ADAMTS19: variants seen among roughly 807,000 people sequenced by gnomAD.
ADAMTS19 encodes ADAM metallopeptidase with thrombospondin type 1 motif 19, also known as A disintegrin and metalloproteinase with thrombospondin motifs 19.
Under a neutral mutation model 153.3 loss-of-function variants are expected in ADAMTS19, and 93 were observed. The ratio of observed to expected loss-of-function variants is 0.61; its 90% CI spans 0.51 to 0.72. ADAMTS19 has a LOEUF of 0.72. Among genes scored for constraint, ADAMTS19 ranks in the 30% least tolerant of loss-of-function variants. The pLI, the probability that ADAMTS19 is intolerant of heterozygous loss-of-function variation, is 0.00. For missense variants in ADAMTS19, 1,482 were observed against 1,552.1 expected (o/e 0.95, Z 0.76); for synonymous variants, 600 against 556.6 (o/e 1.08, Z -1.10).
chr5:129,713,194 G>T (rs552530552), intron 21 of ADAMTS19, among the ~76,000 whole-genome samples: 1 of 152,280 alleles, frequency 6.6e-6, no homozygotes, highest in Admixed American at 6.5e-5. Context: ...ACCTCAAAAG[G>T]ATTCTATGTT....
chr5:129,526,406 T>C lies in ADAMTS19; in HGVS notation c.1036T>C (p.Tyr346His). Reference sequence around the variant, plus strand: ...GGTTGCAGACCCAGCAATGGTTTCCTATCATGGAGCAGATGCAGCCAGGAG... The same window carrying C: ...GGTTGCAGACCCAGCAATGGTTTCCCATCATGGAGCAGATGCAGCCAGGAG... Reference protein sequence around the residue: ...VVVADPAMVSYHGADAARRFI... With the variant: ...VVVADPAMVSHHGADAARRFI... The change falls in exon 4 of 23, where the codon TAT becomes CAT. Residue 346 changes from tyrosine (Y) to histidine (H), a missense_variant. By Grantham distance (83) the Tyr-to-His change is moderately conservative (BLOSUM62 2). Around this residue, in one of 2 missense-constraint regions of ADAMTS19, gnomAD observed 866 missense variants for 827.7 expected, o/e 1.05. Coordinates refer to ENST00000274487, the MANE Select transcript of ADAMTS19 (RefSeq NM_133638.6). 6.2e-7 allele frequency: 1 copy of C among 1,604,214 alleles called. No homozygotes were observed. The highest frequency in any genetic ancestry group is 8.5e-7 in the Non-Finnish European group (1 of 1,175,924).
rs144583847 is a variant in ADAMTS19 at position 129,719,160 on chromosome 5, T to TA, written c.3312+14770dup. Among the ~76,000 whole-genome samples, 7 of 152,272 alleles carry TA rather than the reference T, an allele frequency of 4.6e-5. No individual in the cohort carries two copies. The East Asian group carries it at 1.4e-3, about 29-fold the overall frequency. On this transcript the variant is annotated intron_variant, in intron 21 of 22. Coordinates refer to ENST00000274487, the MANE Select transcript of ADAMTS19 (RefSeq NM_133638.6). ...CTAACAAAAATTTAAATAAACACCT[T>TA]AGAGTGATATTTTTACTGTTGTGTT... is the stretch of plus-strand genomic sequence containing the variant.
intron 7 of ADAMTS19, among the ~76,000 whole-genome samples, chr5:129,591,435 G>A (rs1750128710): frequency 6.6e-6 from 1 of 151,936 alleles, no homozygotes; most frequent in Non-Finnish European, 1.5e-5. Flanking sequence ...TGGAACTACA[G>A]GCATGCACCA....
chr5:129,630,575 T>C (rs1277120118), intron 10 of ADAMTS19, among the ~76,000 whole-genome samples: 1 of 152,074 alleles, frequency 6.6e-6, no homozygotes, highest in African/African-American at 2.4e-5. Flanking sequence ...AATTACATCA[T>C]ATCATAAGAT....
intron 2 of ADAMTS19, among the ~76,000 whole-genome samples, chr5:129,502,191 T>C (rs1238592746): frequency 6.6e-6 from 1 of 151,936 alleles, no homozygotes; most frequent in Non-Finnish European, 1.5e-5. Flanking sequence ...GCAGTGGAAA[T>C]TCAAGGAGGA....
chr5:129,577,154 G>A (rs1749170341), intron 7 of ADAMTS19, among the ~76,000 whole-genome samples: 1 of 152,114 alleles, frequency 6.6e-6, no homozygotes, highest in African/African-American at 2.4e-5. Context: ...AGCCTTTAGA[G>A]GACTAGAAAG....
intron 8 of ADAMTS19, among the ~76,000 whole-genome samples, chr5:129,614,443 T>G (rs913235346): frequency 6.6e-6 from 1 of 152,140 alleles, no homozygotes; most frequent in African/African-American, 2.4e-5. Context: ...ACCACATGAT[T>G]ATCTCAATAG....
chr5:129,526,256 C>A (rs777620323), intron 3 of ADAMTS19, 28 bp from the exon 4 acceptor site: 10 of 1,524,626 alleles, frequency 6.6e-6, no homozygotes, highest in Non-Finnish European at 8.8e-6. Flanking sequence ...TATGAAGGTG[C>A]ATTGAAAAAT....
At chr5:129,635,277 G>C (rs1007618890) in intron 10 of ADAMTS19, among the ~76,000 whole-genome samples, 2 of 152,202 alleles carry the variant, frequency 1.3e-5, no homozygotes, top group African/African-American at 4.8e-5. Context: ...ATGAGATGTG[G>C]AGAAAAGGGA....
At chr5:129,635,789 T>C (rs1201502128) in intron 10 of ADAMTS19, among the ~76,000 whole-genome samples, 4 of 152,160 alleles carry the variant, frequency 2.6e-5, no homozygotes, top group African/African-American at 9.7e-5. Context: ...TAATGGGTTC[T>C]AGGCTTACTA....
chr5:129,668,152 C>T (rs999606019), intron 16 of ADAMTS19, among the ~76,000 whole-genome samples: 5 of 152,098 alleles, frequency 3.3e-5, no homozygotes, highest in Admixed American at 2.0e-4. Context: ...CTTGTCACTC[C>T]ATTGTCTACC....
intron 21 of ADAMTS19, among the ~76,000 whole-genome samples, chr5:129,710,705 T>A (rs1163772428): frequency 1.3e-5 from 2 of 152,224 alleles, no homozygotes; most frequent in African/African-American, 4.8e-5. Flanking sequence ...TATGTCAGAC[T>A]TATCACAGTT....
intron 2 of ADAMTS19, among the ~76,000 whole-genome samples, chr5:129,480,749 CAAT>C (rs1291632160): frequency 6.6e-6 from 1 of 152,038 alleles, no homozygotes; most frequent in Non-Finnish European, 1.5e-5. Flanking sequence ...GGAAAATAAA[CAAT>C]AATGTGTTAT....
intron 21 of ADAMTS19, among the ~76,000 whole-genome samples, chr5:129,706,780 G>C (rs1304171427): frequency 6.6e-6 from 1 of 152,088 alleles, no homozygotes; most frequent in Non-Finnish European, 1.5e-5. Flanking sequence ...TTAATGAAAC[G>C]TGCCTACTGT....
At chr5:129,626,375 A>G (rs766835138) in intron 10 of ADAMTS19, among the ~76,000 whole-genome samples, 5 of 152,112 alleles carry the variant, frequency 3.3e-5, no homozygotes, top group Non-Finnish European at 4.4e-5. Flanking sequence ...TATTTGCTCT[A>G]TTTATATGAT....
intron 21 of ADAMTS19, among the ~76,000 whole-genome samples, chr5:129,728,898 C>T (rs978410506): frequency 2.0e-5 from 3 of 151,990 alleles, no homozygotes; most frequent in African/African-American, 7.2e-5. Context: ...TTCAAGCAAA[C>T]TGTAATTTTA....
intron 2 of ADAMTS19, among the ~76,000 whole-genome samples, chr5:129,480,777 GTAC>G (rs1287470161): frequency 6.6e-6 from 1 of 152,076 alleles, no homozygotes. Context: ...CTACAGTAGA[GTAC>G]TACTCAGCAA....
intron 2 of ADAMTS19, among the ~76,000 whole-genome samples, chr5:129,495,166 C>T (rs1410210141): frequency 6.6e-6 from 1 of 151,790 alleles, no homozygotes; most frequent in African/African-American, 2.4e-5. Flanking sequence ...TGAGGAATTC[C>T]CTAATAAAGG....
chr5:129,670,550 G>A (rs30664), intron 16 of ADAMTS19, among the ~76,000 whole-genome samples: 89,522 of 151,956 alleles, frequency 0.59, 27,595 homozygotes, highest in Non-Finnish European at 0.69. Context: ...CGAGGCATCT[G>A]GGGATAGCAT....
Sources: gnomAD v4.1 joint callset for allele counts (sites outside exome capture counted in the v4.1 genomes callset) on GRCh38, gnomAD v4.1.1 for gene constraint, gnomAD v4.1.1 regional missense constraint, MANE v1.5 for transcripts, NCBI Gene and HGNC (gene_info 2026-07-23, HGNC 2026-07-21) for gene names.